Variants in SORL1 observed in about 807,000 individuals in gnomAD.
The protein encoded by SORL1 is sortilin-related receptor.
SORL1 carries 127 observed loss-of-function variants against 273.7 expected under a neutral mutation model. The ratio of observed to expected loss-of-function variants is 0.46; its 90% CI spans 0.40 to 0.54. The LOEUF (loss-of-function observed/expected upper bound fraction) is 0.54. SORL1 is among the 20% of genes least tolerant of loss of function. The probability of loss-of-function intolerance (pLI) is 0.00; values close to 1 mark genes in which losing one functional copy is unlikely to be tolerated. For synonymous variants in SORL1, 1,031 were observed against 1,067.4 expected (o/e 0.97, Z 0.66); for missense variants, 2,494 against 2,846.1 (o/e 0.88, Z 2.81).
intron 1 of SORL1, among the ~76,000 whole-genome samples, chr11:121,457,877 T>C (rs1261907791): frequency 6.6e-6 from 1 of 152,216 alleles, no homozygotes; most frequent in Admixed American, 6.5e-5. Context: ...GCTTAATAAA[T>C]TGCTTTGAGA....
intron 2 of SORL1, among the ~76,000 whole-genome samples, chr11:121,473,940 G>A (rs1565304342): frequency 1.3e-5 from 2 of 152,258 alleles, no homozygotes; most frequent in Admixed American, 1.3e-4. Flanking sequence ...GGAAGATACT[G>A]TGCAGGATAG....
rs1056287450 is a variant in SORL1 at position 121,629,920 on chromosome 11, C to T, written c.*357C>T. ...ACAGAAATGTATTTAATAAAAACCT[C>T]GAGAGAGTGATGGGTGGAACCCCTT... is the stretch of plus-strand genomic sequence containing the variant. On this transcript the variant is annotated 3_prime_UTR_variant, in exon 48 of 48. Transcript: ENST00000260197. The T allele has an allele frequency of 1.7e-5, 4 of 231,822 alleles. No homozygotes were observed. The highest frequency in any genetic ancestry group is 6.7e-5 in the South Asian group (1 of 14,900). 14.4% of individuals were successfully genotyped at this position (231,822 alleles called of 1,614,324 possible).
chr11:121,542,396 T>C (rs752271827), intron 12 of SORL1, among the ~76,000 whole-genome samples: 2 of 152,234 alleles, frequency 1.3e-5, no homozygotes, highest in Non-Finnish European at 2.9e-5. Flanking sequence ...TATACTCCTT[T>C]AGTCTTTTAA....
intron 45 of SORL1, among the ~76,000 whole-genome samples, chr11:121,624,861 G>A (rs750766636): frequency 5.3e-5 from 8 of 151,428 alleles, no homozygotes; most frequent in Admixed American, 2.0e-4. Flanking sequence ...AGCTTGTTGT[G>A]GGGGGGTGGT....
Position 121,520,827 on chromosome 11 carries a change from A to G in SORL1, c.1382A>G (p.Tyr461Cys), listed in dbSNP as rs752631164. The G allele has an allele frequency of 3.1e-6, 5 of 1,596,656 alleles. No individual in the cohort carries two copies. Among genetic ancestry groups the G allele is most frequent in the Admixed American group, 1.8e-5 (1 of 54,500 alleles). The change falls in exon 9 of 48, where the codon TAT (tyrosine) becomes TGT (cysteine). Residue 461 changes from tyrosine (Y) to cysteine (C), a missense_variant. By Grantham distance (194) the Tyr-to-Cys change is radical. Around this residue, in one of 3 missense-constraint regions of SORL1, gnomAD observed 710 missense variants for 882.5 expected, o/e 0.80. Transcript: ENST00000260197. ...EFLQAPAFTG[Y>C]GEKINCELSQ... ...CTTCAGGCTCCAGCCTTCACGGGATATGGAGAGAAAATCAATTGTGAGGTA... is the reference window on the plus strand; with the variant it reads ...CTTCAGGCTCCAGCCTTCACGGGATGTGGAGAGAAAATCAATTGTGAGGTA...
chr11:121,473,467 ATC>A, intron 2 of SORL1, among the ~76,000 whole-genome samples: 1 of 152,382 alleles, frequency 6.6e-6, no homozygotes, highest in Non-Finnish European at 1.5e-5. Flanking sequence ...ATAGATGTTT[ATC>A]TCACCTTTTC....
intron 2 of SORL1, among the ~76,000 whole-genome samples, chr11:121,474,250 G>A (rs1267217269): frequency 1.3e-5 from 2 of 152,016 alleles, no homozygotes; most frequent in African/African-American, 4.8e-5. Flanking sequence ...TCTGGGAGCT[G>A]GTTAGAAAAG....
At chr11:121,458,868 T>C (rs907760147) in intron 1 of SORL1, among the ~76,000 whole-genome samples, 4 of 152,186 alleles carry the variant, frequency 2.6e-5, no homozygotes, top group East Asian at 1.9e-4. Context: ...ACATGACCAA[T>C]GCTTTGTGCA....
chr11:121,501,357 A>G (rs1591302221), intron 6 of SORL1, among the ~76,000 whole-genome samples: 1 of 152,226 alleles, frequency 6.6e-6, no homozygotes. Context: ...AAGAAACCAC[A>G]TACCCATTAC....
rs566582399 is a variant in SORL1 at position 121,629,691 on chromosome 11, CAA to C, written c.*141_*142del. ...TTTTATATGGGCCAAAAACAAAAAA[CAA>C]AAAAAAAAAAAAGGAAAGAAAGGAA... On this transcript the variant is annotated 3_prime_UTR_variant, in exon 48 of 48. Transcript: ENST00000260197. 0.014 allele frequency: 5,726 copies of C among 396,368 alleles called. No homozygotes were observed. The highest frequency in any genetic ancestry group is 0.022 in the Middle Eastern group (34 of 1,556). The allele number at this position is 396,368 out of a possible 1,614,324, so 24.6% of individuals were successfully genotyped here. A position where few individuals can be genotyped will look rare whatever the true frequency, so the allele number is the denominator to read the frequency against.
In SORL1 at chr11:121,488,203, C is replaced by T; in HGVS notation, c.690+10C>T. 1 of 1,612,530 alleles carries T rather than the reference C, an allele frequency of 6.2e-7. No homozygotes were observed. The highest frequency in any genetic ancestry group is 8.5e-7 in the Non-Finnish European group (1 of 1,179,226). On this transcript the variant is annotated intron_variant, in intron 4 of 47. Transcript: ENST00000260197. ...CCACCCCAACAAGCAGGTAAGAGGG[C>T]TTTCAGAACCCAGTTGCATGGGGCT...
chr11:121,533,699 G>A (rs1862231813), intron 12 of SORL1, among the ~76,000 whole-genome samples: 1 of 152,198 alleles, frequency 6.6e-6, no homozygotes, highest in South Asian at 2.1e-4. Context: ...TAAGTGAGAG[G>A]TGGGTGGTTT....
intron 12 of SORL1, 80 bp from the exon 13 acceptor site, chr11:121,543,468 C>T (rs917920317): frequency 1.7e-6 from 2 of 1,181,744 alleles, no homozygotes; most frequent in Non-Finnish European, 1.2e-6. Context: ...GGTTCCTGTT[C>T]CTGGTGAATG....
chr11:121,598,112 G>T (rs890492444), intron 32 of SORL1, among the ~76,000 whole-genome samples: 3 of 152,084 alleles, frequency 2.0e-5, no homozygotes, highest in Non-Finnish European at 4.4e-5. Context: ...TTATTTTTCT[G>T]GTCCTAAGGA....
intron 41 of SORL1, among the ~76,000 whole-genome samples, chr11:121,616,664 G>A (rs1246821168): frequency 6.6e-6 from 1 of 152,216 alleles, no homozygotes; most frequent in East Asian, 1.9e-4. Flanking sequence ...CCTCCCAGGC[G>A]ATCACCCCCT....
chr11:121,551,179 G>GT (rs1182620775), intron 16 of SORL1, among the ~76,000 whole-genome samples: 1 of 152,092 alleles, frequency 6.6e-6, no homozygotes, highest in Non-Finnish European at 1.5e-5. Context: ...TATCAATTTT[G>GT]TTTTTTACTT....
At position 121,606,996 on chromosome 11, in the gene SORL1, G is replaced by A. The variant is rs774512585; in HGVS notation, c.5061+39G>A. 3 of 1,442,058 alleles carry A rather than the reference G, an allele frequency of 2.1e-6. No individual in the cohort carries two copies. In the South Asian group the frequency reaches 3.4e-5, roughly 16 times the overall value. The allele number at this position is 1,442,058 out of a possible 1,614,324, so 89.3% of individuals were successfully genotyped here. A position where few individuals can be genotyped will look rare whatever the true frequency, so the allele number is the denominator to read the frequency against. ...ATGAGTTGGCTGTATGTGTGTTGGG[G>A]GTGCTAGGAGATTTCTGGGTATTCT... On this transcript the variant is annotated intron_variant, in intron 36 of 47. Coordinates refer to ENST00000260197, the MANE Select transcript of SORL1 (RefSeq NM_003105.6).
At chr11:121,568,733 T>C (rs1324113886) in intron 22 of SORL1, among the ~76,000 whole-genome samples, 2 of 152,238 alleles carry the variant, frequency 1.3e-5, no homozygotes, top group African/African-American at 4.8e-5. Context: ...ATTAGTATTT[T>C]ATAATGTTGA....
chr11:121,570,805 A>G (rs1862830661), intron 23 of SORL1, among the ~76,000 whole-genome samples: 1 of 152,208 alleles, frequency 6.6e-6, no homozygotes, highest in African/African-American at 2.4e-5. Context: ...TGTAAGTGTC[A>G]TCTTTAGGCT....
Sources: gnomAD v4.1 joint callset for allele counts (sites outside exome capture counted in the v4.1 genomes callset) on GRCh38, gnomAD v4.1.1 for gene constraint, gnomAD v4.1.1 regional missense constraint, MANE v1.5 for transcripts, NCBI Gene and HGNC (gene_info 2026-07-23, HGNC 2026-07-21) for gene names.